The following DST variants were observed in gnomAD, a reference collection of about 807,000 sequenced individuals.
DST encodes dystonin.
A neutral mutation model predicts 875.2 loss-of-function variants in DST; 253 were observed. The observed-to-expected ratio is 0.29, with a 90% CI of 0.26 to 0.32. The LOEUF is 0.32. Among genes scored for constraint, DST ranks in the 10% least tolerant of loss-of-function variants. DST has a pLI of 1.00. For missense variants in DST, 8,287 were observed against 9,111.6 expected (o/e 0.91, Z 3.68); for synonymous variants, 3,124 against 3,197.1 (o/e 0.98, Z 0.77).
At chr6:56,567,973 C>T (rs376405360) in intron 55 of DST, among the ~76,000 whole-genome samples, 1 of 152,228 alleles carries the variant, frequency 6.6e-6, no homozygotes, top group African/African-American at 2.4e-5. Context: ...GGCTCACATA[C>T]TGCATAATTG....
intron 89 of DST, 26 bp from the exon 90 acceptor site, chr6:56,482,204 C>G: frequency 6.3e-7 from 1 of 1,589,430 alleles, no homozygotes; most frequent in East Asian, 2.2e-5. Context: ...CACACACACC[C>G]CAAACAAAAT....
Position 56,509,346 on chromosome 6 carries a change from T to C in DST, c.19012+296A>G, listed in dbSNP as rs192565552. ...GGAAAAAACCCCAGATATGGCCTTA[T>C]TAGCAATATGCTTCAACCTACTGAT... On this transcript the variant is annotated intron_variant, in intron 74 of 103. Coordinates refer to ENST00000680361, the MANE Select transcript of DST (RefSeq NM_001374736.1). Among the ~76,000 whole-genome samples, 191 of 152,310 alleles carry C rather than the reference T, an allele frequency of 1.3e-3. 1 individual carries two copies. The South Asian group carries it at 0.013, about 10-fold the overall frequency.
intron 22 of DST, chr6:56,639,048 C>T (rs2098853264): frequency 1.7e-6 from 1 of 600,378 alleles, no homozygotes; most frequent in East Asian, 2.8e-5. Context: ...GCCACAGAGG[C>T]TGACAAGGGT....
intron 3 of DST, among the ~76,000 whole-genome samples, chr6:56,881,542 G>GAATCAGAC (rs1414981014): frequency 6.6e-6 from 1 of 152,042 alleles, no homozygotes; most frequent in African/African-American, 2.4e-5. Flanking sequence ...ACTGATAAAA[G>GAATCAGAC]AATCAGACAA....
At chr6:56,770,023 T>C (rs749795619) in intron 4 of DST, among the ~76,000 whole-genome samples, 1 of 152,232 alleles carries the variant, frequency 6.6e-6, no homozygotes, top group Non-Finnish European at 1.5e-5. Flanking sequence ...GAGTTATTTA[T>C]TGATGTTCCT....
chr6:56,674,794 C>T (rs2099120225), intron 9 of DST, among the ~76,000 whole-genome samples: 1 of 152,202 alleles, frequency 6.6e-6, no homozygotes, highest in African/African-American at 2.4e-5. Context: ...CATGTTCATT[C>T]ATGAATTTGA....
In DST at chr6:56,900,399, TAA is replaced by T. The variant is rs748325015; in HGVS notation, c.417+20_417+21del. 4.5e-6 allele frequency: 6 copies of T among 1,346,234 alleles called. No homozygotes were observed. The South Asian group carries it at 5.9e-5, about 13-fold the overall frequency. The allele number at this position is 1,346,234 out of a possible 1,614,324, so 83.4% of individuals were successfully genotyped here. On this transcript the variant is annotated intron_variant, in intron 3 of 103. Coordinates refer to ENST00000680361, the MANE Select transcript of DST (RefSeq NM_001374736.1). The stretch of plus-strand genomic sequence containing the variant: ...TTTGACAGTGAATTTAATATTTTTA[TAA>T]AAGACAGTTCTCTACTTACAGGCCT...
At chr6:56,844,606 G>A (rs938146288) in intron 4 of DST, among the ~76,000 whole-genome samples, 3 of 152,212 alleles carry the variant, frequency 2.0e-5, no homozygotes. Flanking sequence ...CGGGCGCGGT[G>A]TCTCACGCCT....
chr6:56,898,001 A>G (rs1792288351), intron 3 of DST, among the ~76,000 whole-genome samples: 1 of 152,180 alleles, frequency 6.6e-6, no homozygotes, highest in Non-Finnish European at 1.5e-5. Flanking sequence ...CTCCACCTAT[A>G]GGCTGATGAA....
chr6:56,585,496 T>C (rs1231236645), intron 49 of DST, among the ~76,000 whole-genome samples: 3 of 152,100 alleles, frequency 2.0e-5, no homozygotes, highest in Non-Finnish European at 4.4e-5. Context: ...TTTTTCTTTA[T>C]TAGTCTTGCT....
chr6:56,881,527 AAGTAACT>A (rs1325961203), intron 3 of DST, among the ~76,000 whole-genome samples: 1 of 152,160 alleles, frequency 6.6e-6, no homozygotes. Context: ...AATATAAAAC[AAGTAACT>A]GATAAAAGAA....
chr6:56,762,908 C>T (rs374434982), intron 4 of DST, among the ~76,000 whole-genome samples: 13 of 140,072 alleles, frequency 9.3e-5, no homozygotes, highest in Admixed American at 3.9e-4. Flanking sequence ...TGGAGTGCAA[C>T]GGCGTGATCT....
chr6:56,843,736 A>G (rs1306346977), intron 4 of DST: 46 of 19,344 alleles, frequency 2.4e-3, no homozygotes, highest in African/African-American at 0.014. Context: ...TGGAGAGTGG[A>G]GGGTGGAGGG....
intron 5 of DST, among the ~76,000 whole-genome samples, chr6:56,720,349 C>CTTTT (rs386407172): frequency 7.7e-6 from 1 of 130,232 alleles, no homozygotes; most frequent in African/African-American, 2.8e-5. Flanking sequence ...TTATCCTGTT[C>CTTTT]TTTTTTTTTT....
In DST at chr6:56,588,922, G is replaced by A. The variant is rs562379824; in HGVS notation, c.12903+3260C>T. On this transcript the variant is annotated intron_variant, in intron 49 of 103. Coordinates refer to ENST00000680361, the MANE Select transcript of DST (RefSeq NM_001374736.1). Reference sequence around the variant, plus strand: ...AAAATTCTCCTAGCAGTTTAATTACGGGAAGTGTAAAAAAAAATCCCTCAA... The same window carrying A: ...AAAATTCTCCTAGCAGTTTAATTACAGGAAGTGTAAAAAAAAATCCCTCAA... 1.3e-4 allele frequency among the ~76,000 whole-genome samples: 20 copies of A among 152,106 alleles called. 1 individual carries two copies. The highest frequency in any genetic ancestry group is 1.2e-3 in the South Asian group (6 of 4,816).
At chr6:56,730,324 T>C (rs532520002) in intron 5 of DST, among the ~76,000 whole-genome samples, 1 of 152,294 alleles carries the variant, frequency 6.6e-6, no homozygotes, top group South Asian at 2.1e-4. Flanking sequence ...TGATAGCTGT[T>C]AACATACTTC....
intron 1 of DST, 32 bp from the exon 2 acceptor site, chr6:56,953,851 T>A: frequency 1.5e-6 from 2 of 1,303,358 alleles, no homozygotes; most frequent in Non-Finnish European, 2.0e-6. Flanking sequence ...GAGACTTCAT[T>A]TAACTCCTTG....
intron 4 of DST, among the ~76,000 whole-genome samples, chr6:56,756,627 C>T (rs1439751797): frequency 2.6e-5 from 4 of 152,116 alleles, no homozygotes; most frequent in African/African-American, 7.2e-5. Flanking sequence ...CCTCAAGACA[C>T]GCAGAGAAAA....
At chr6:56,631,797 AAACTGAACATT>A in intron 29 of DST, 75 bp downstream of exon 29, 1 of 1,303,814 alleles carries the variant, frequency 7.7e-7, no homozygotes. Context: ...TGAGTGTGCA[AAACTGAACATT>A]AAGAAGTCAC....
Sources: allele counts gnomAD v4.1 joint callset (sites outside exome capture counted in the v4.1 genomes callset), GRCh38; gene constraint gnomAD v4.1.1; transcripts MANE v1.5; gene names NCBI Gene and HGNC (gene_info 2026-07-23, HGNC 2026-07-21).